The following TSPAN18 variants were observed in gnomAD, a reference collection of about 807,000 sequenced individuals.
The protein encoded by TSPAN18 is tetraspanin-18.
In TSPAN18, 14 loss-of-function variants were observed where a neutral mutation model predicts 27.3. The observed-to-expected ratio is 0.51, with a 90% confidence interval of 0.34 to 0.80. The LOEUF (loss-of-function observed/expected upper bound fraction) is 0.80. Ranked by LOEUF, TSPAN18 falls within the 30% of genes least tolerant of loss-of-function variation. TSPAN18 has a pLI of 0.01. For synonymous variants in TSPAN18, 143 were observed against 136.5 expected (o/e 1.05, Z -0.33); for missense variants, 268 against 323.9 (o/e 0.83, Z 1.32).
rs1314890179 is a variant in TSPAN18 at position 44,918,542 on chromosome 11, CG to C, written c.333+502del. ...CACCATAGCCAAAGGGAGACTGGGG[CG>C]GGGGGTTGGAGAAAGATGGGAGGGG... On this transcript the variant is annotated intron_variant, in intron 6 of 9. Coordinates refer to ENST00000520358, the MANE Select transcript of TSPAN18 (RefSeq NM_130783.5). Among the ~76,000 whole-genome samples, 142 of 51,890 alleles carry C rather than the reference CG, an allele frequency of 2.7e-3. 1 individual carries two copies. Among genetic ancestry groups the C allele is most frequent in the African/African-American group, 0.011 (141 of 13,204 alleles). The allele number at this position is 51,890 out of a possible 152,430, so 34.0% of individuals were successfully genotyped here.
chr11:44,733,441 C>T (rs1277029344), intron 1 of TSPAN18, among the ~76,000 whole-genome samples: 1 of 152,172 alleles, frequency 6.6e-6, no homozygotes, highest in Non-Finnish European at 1.5e-5. Context: ...CACTATAAGC[C>T]AGGCCCTGGA....
intron 2 of TSPAN18, among the ~76,000 whole-genome samples, chr11:44,767,492 C>T (rs2134904390): frequency 6.6e-6 from 1 of 152,334 alleles, no homozygotes; most frequent in Non-Finnish European, 1.5e-5. Context: ...CAATTCACCA[C>T]CCAGTCTTGC....
At chr11:44,757,893 A>G (rs1352596161) in intron 1 of TSPAN18, among the ~76,000 whole-genome samples, 4 of 152,124 alleles carry the variant, frequency 2.6e-5, no homozygotes, top group African/African-American at 7.2e-5. Context: ...ATGATTTGCA[A>G]ATATGTTCTC....
chr11:44,931,529 T>C lies in TSPAN18; in HGVS notation c.*2351T>C, dbSNP rs1464316488. On this transcript the variant is annotated 3_prime_UTR_variant, in exon 10 of 10. Coordinates refer to ENST00000520358, the MANE Select transcript of TSPAN18 (RefSeq NM_130783.5). ...ACACAAGACTGCCCCTCAGCAGCTT[T>C]CTACAAATGTGCCAAGGAACCCTCA... The C allele has an allele frequency of 6.6e-6, 1 of 152,442 alleles. No homozygotes were observed. The highest frequency in any genetic ancestry group is 2.4e-5 in the African/African-American group (1 of 41,434). 9.4% of individuals were successfully genotyped at this position (152,442 alleles called of 1,614,324 possible).
chr11:44,911,891 G>T (rs1476963391), intron 5 of TSPAN18, among the ~76,000 whole-genome samples: 1 of 151,792 alleles, frequency 6.6e-6, no homozygotes, highest in Non-Finnish European at 1.5e-5. Context: ...CCAGGCTGGG[G>T]GCCCTTCGAC....
chr11:44,835,989 C>A (rs1219194765), intron 2 of TSPAN18, among the ~76,000 whole-genome samples: 1 of 152,170 alleles, frequency 6.6e-6, no homozygotes, highest in Non-Finnish European at 1.5e-5. Context: ...ACCGGCCATT[C>A]CCCTGTCTCT....
chr11:44,825,658 A>G (rs1373762518), intron 2 of TSPAN18, among the ~76,000 whole-genome samples: 1 of 152,100 alleles, frequency 6.6e-6, no homozygotes, highest in Non-Finnish European at 1.5e-5. Flanking sequence ...CTATCTCCTT[A>G]CAGGTTTCAG....
chr11:44,852,048 T>C (rs1286861293), intron 2 of TSPAN18, among the ~76,000 whole-genome samples: 1 of 152,128 alleles, frequency 6.6e-6, no homozygotes, highest in Non-Finnish European at 1.5e-5. Flanking sequence ...ACTTAATGAG[T>C]GTCTGCTGGC....
intron 4 of TSPAN18, among the ~76,000 whole-genome samples, chr11:44,907,484 T>TA (rs1408310540): frequency 6.6e-6 from 1 of 152,186 alleles, no homozygotes; most frequent in Admixed American, 6.5e-5. Flanking sequence ...TGTGTCTTTT[T>TA]AAAAAATATA....
chr11:44,909,585 G>A (rs1859630074), intron 4 of TSPAN18, 120 bp from the exon 5 acceptor site: 4 of 999,480 alleles, frequency 4.0e-6, no homozygotes, highest in African/African-American at 3.2e-5. Context: ...ATTCCTGCCT[G>A]GCTCACCTAG....
chr11:44,889,270 C>T (rs893968291), intron 3 of TSPAN18, among the ~76,000 whole-genome samples: 1 of 152,248 alleles, frequency 6.6e-6, no homozygotes, highest in Non-Finnish European at 1.5e-5. Context: ...TCCTGGTCCC[C>T]ATGTAAACCC....
chr11:44,815,108 G>C (rs1183362139), intron 2 of TSPAN18, among the ~76,000 whole-genome samples: 1 of 152,172 alleles, frequency 6.6e-6, no homozygotes, highest in Non-Finnish European at 1.5e-5. Context: ...CCAGTCAGAG[G>C]CTTTACTGTG....
intron 8 of TSPAN18, among the ~76,000 whole-genome samples, chr11:44,925,962 T>TATCTCG (rs1165410801): frequency 4.6e-5 from 7 of 152,252 alleles, no homozygotes; most frequent in South Asian, 4.1e-4. Context: ...TCTATCTATC[T>TATCTCG]ATCTCGATCT....
At position 44,909,859 on chromosome 11, in the gene TSPAN18, G is replaced by A; in HGVS notation, c.218G>A (p.Cys73Tyr). ...GLLFLLGFLG[C>Y]CGAVRENKCL... ...CTCTTTCTGCTCGGCTTCCTGGGCTGCTGCGGGGCCGTCCGTGAGAACAAG... is the reference window on the plus strand; with the variant it reads ...CTCTTTCTGCTCGGCTTCCTGGGCTACTGCGGGGCCGTCCGTGAGAACAAG... Residue 73 changes from cysteine (C) to tyrosine (Y), a missense_variant, in exon 5 of 10, where the codon TGC (cysteine) becomes TAC (tyrosine). Cys to Tyr is a radical substitution (Grantham distance 194). Transcript: ENST00000520358. The A allele has an allele frequency of 1.2e-6, 2 of 1,613,920 alleles. No homozygotes were observed. Among genetic ancestry groups the A allele is most frequent in the Non-Finnish European group, 1.7e-6 (2 of 1,179,936 alleles).
intron 2 of TSPAN18, among the ~76,000 whole-genome samples, chr11:44,775,485 C>T (rs768229287): frequency 6.6e-6 from 1 of 152,142 alleles, no homozygotes; most frequent in Non-Finnish European, 1.5e-5. Flanking sequence ...TGCAGCTTAG[C>T]GTACTTGGAG....
chr11:44,760,304 C>T (rs1340355821), intron 1 of TSPAN18, among the ~76,000 whole-genome samples: 2 of 152,154 alleles, frequency 1.3e-5, no homozygotes, highest in South Asian at 2.1e-4. Context: ...AGCCAGGAGC[C>T]GTGTGCAGCA....
chr11:44,882,587 G>GAGAGACACACACAC (rs1554997009), intron 3 of TSPAN18, among the ~76,000 whole-genome samples: 1 of 130,770 alleles, frequency 7.6e-6, no homozygotes. Context: ...CAGAGAGAGA[G>GAGAGACACACACAC]ACACACACAC....
chr11:44,859,433 G>A (rs1054415816), intron 2 of TSPAN18, among the ~76,000 whole-genome samples: 2 of 152,212 alleles, frequency 1.3e-5, no homozygotes, highest in African/African-American at 4.8e-5. Flanking sequence ...AGGAAAAGAT[G>A]CTATTATTAT....
intron 1 of TSPAN18, among the ~76,000 whole-genome samples, chr11:44,742,028 A>G (rs1422827501): frequency 6.7e-6 from 1 of 148,440 alleles, no homozygotes; most frequent in Admixed American, 6.7e-5. Flanking sequence ...CAGCAATCCA[A>G]CCGGAGTGGG....
Sources: allele counts gnomAD v4.1 joint callset (sites outside exome capture counted in the v4.1 genomes callset), GRCh38; gene constraint gnomAD v4.1.1; transcripts MANE v1.5; gene names NCBI Gene and HGNC (gene_info 2026-07-23, HGNC 2026-07-21).